Variants in KLHL24 observed in about 807,000 individuals in gnomAD.
The protein encoded by KLHL24 is kelch-like protein 24.
Under a neutral mutation model 53.4 loss-of-function variants are expected in KLHL24, and 29 were observed. The ratio of observed to expected loss-of-function variants is 0.54; its 90% CI spans 0.40 to 0.74. The LOEUF is 0.74. Ranked by LOEUF, KLHL24 falls within the 30% of genes least tolerant of loss-of-function variation. The pLI, the probability that KLHL24 is intolerant of heterozygous loss-of-function variation, is 0.00. For missense variants in KLHL24, 504 were observed against 744.0 expected, an observed-to-expected ratio of 0.68 and a Z score of 3.75; for synonymous variants, 222 against 253.7, an observed-to-expected ratio of 0.88 and a Z score of 1.19.
In KLHL24 at chr3:183,641,627, G is replaced by A. The variant is rs557776730; in HGVS notation, c.-124-1853G>A. ...TTTCAAGGTTAAATTTGAGAAAATGGAGTAGCGTAGAACATAGTATGCAGC... is the reference window on the plus strand; with the variant it reads ...TTTCAAGGTTAAATTTGAGAAAATGAAGTAGCGTAGAACATAGTATGCAGC... On this transcript the variant is annotated intron_variant, in intron 1 of 7. Coordinates refer to ENST00000242810, the MANE Select transcript of KLHL24 (RefSeq NM_017644.3). Among the ~76,000 whole-genome samples the A allele has an allele frequency of 2.6e-4, 39 of 152,146 alleles. No homozygotes were observed. The Middle Eastern group carries it at 0.01, about 40-fold the overall frequency.
chr3:183,653,244 TG>T (rs1272640405), intron 3 of KLHL24, among the ~76,000 whole-genome samples: 2 of 152,146 alleles, frequency 1.3e-5, no homozygotes, highest in African/African-American at 4.8e-5. Context: ...TTATTTTATG[TG>T]GGCATTACAT....
chr3:183,656,575 C>T (rs1018809456), intron 3 of KLHL24, among the ~76,000 whole-genome samples: 4 of 152,252 alleles, frequency 2.6e-5, no homozygotes, highest in Non-Finnish European at 4.4e-5. Context: ...CTAATAAATA[C>T]TTGAGTTACC....
intron 1 of KLHL24, among the ~76,000 whole-genome samples, chr3:183,638,414 A>G (rs1004382696): frequency 2.7e-5 from 4 of 150,252 alleles, no homozygotes; most frequent in African/African-American, 5.0e-5. Context: ...AATAAATACT[A>G]TTAATCAAAT....
intron 1 of KLHL24, among the ~76,000 whole-genome samples, chr3:183,636,955 G>T (rs1411917619): frequency 6.6e-6 from 1 of 152,216 alleles, no homozygotes; most frequent in East Asian, 1.9e-4. Context: ...GCCCTCCGAG[G>T]ACCGGAAAAT....
Position 183,650,484 on chromosome 3 carries a change from C to T in KLHL24, c.128C>T (p.Ser43Phe), listed in dbSNP as rs1717976520. The T allele has an allele frequency of 1.2e-6, 2 of 1,613,986 alleles. No homozygotes were observed. Among genetic ancestry groups the T allele is most frequent in the Non-Finnish European group, 1.7e-6 (2 of 1,180,026 alleles). ...ACAGGTCATGAGTTTTTTGACTTCT[C>T]TTCAGGATCATCCCATGCCGAAAAC... ...SLTGHEFFDF[S>F]SGSSHAENIL... The change falls in exon 3 of 8, where the codon TCT (serine) becomes TTT (phenylalanine). Residue 43 changes from serine to phenylalanine, a missense_variant. Ser to Phe is a radical substitution (Grantham distance 155, BLOSUM62 -2). Coordinates refer to ENST00000242810, the MANE Select transcript of KLHL24 (RefSeq NM_017644.3). This position sits in a 1 kb window ranked among gnomAD's most constrained non-coding sequence, Gnocchi z 4.5.
At position 183,669,312 on chromosome 3, in the gene KLHL24, A is replaced by G. The variant is rs555337102; in HGVS notation, c.1225-1722A>G. On this transcript the variant is annotated intron_variant, in intron 5 of 7. Transcript: ENST00000242810. ...CATTGCAGTGAGCTGAGATCACGCCATTGCACTCCAGCCTGGGCAACAAGA... is the reference window on the plus strand; with the variant it reads ...CATTGCAGTGAGCTGAGATCACGCCGTTGCACTCCAGCCTGGGCAACAAGA... Among the ~76,000 whole-genome samples the G allele has an allele frequency of 4.6e-5, 7 of 152,196 alleles. No homozygotes were observed. In the South Asian group the frequency reaches 1.2e-3, roughly 27 times the overall value.
At chr3:183,672,554 C>T (rs1576975251) in intron 7 of KLHL24, 70 bp downstream of exon 7, 1 of 1,100,214 alleles carries the variant, frequency 9.1e-7, no homozygotes, top group East Asian at 2.8e-5. Context: ...ATTATTAATA[C>T]ACTGGAATTT....
chr3:183,653,591 G>A lies in KLHL24; in HGVS notation c.920+2315G>A, dbSNP rs955267387. On this transcript the variant is annotated intron_variant, in intron 3 of 7. Transcript: ENST00000242810. ...GGTTTTTGCAATTTAGGCATGTTTT[G>A]TGACTTTGCTGTGTTACAGAGAGAA... Among the ~76,000 whole-genome samples, 4 of 152,208 alleles carry A rather than the reference G, an allele frequency of 2.6e-5. No individual in the cohort carries two copies. In the East Asian group the frequency reaches 7.7e-4, roughly 29 times the overall value.
Position 183,663,004 on chromosome 3 carries a change from G to A in KLHL24, c.921-454G>A, listed in dbSNP as rs9823351. ...ACATATACATATTCCTTTAAAGGGT[G>A]CTTGGATTATACTATGAATTAGTTT... On this transcript the variant is annotated intron_variant, in intron 3 of 7. Coordinates refer to ENST00000242810, the MANE Select transcript of KLHL24 (RefSeq NM_017644.3). This position sits in a 1 kb window ranked among gnomAD's most constrained non-coding sequence, Gnocchi z 4.9. Among the ~76,000 whole-genome samples, 50,882 of 151,952 alleles carry A rather than the reference G, an allele frequency of 0.33. 9,369 individuals carry two copies. The highest frequency in any genetic ancestry group is 0.49 in the African/African-American group (20,241 of 41,432).
intron 3 of KLHL24, among the ~76,000 whole-genome samples, chr3:183,662,587 GC>G (rs1163044321): frequency 6.6e-6 from 1 of 152,122 alleles, no homozygotes. Context: ...TTGTGGATAA[GC>G]TTTTGGTTAT....
rs150631622 is a variant in KLHL24, at chr3:183,650,225, T to G, written c.-61-71T>G. 6.5e-4 allele frequency: 425 copies of G among 653,976 alleles called. 2 individuals carry two copies. In the East Asian group the frequency reaches 0.01, roughly 16 times the overall value. 40.5% of individuals were successfully genotyped at this position (653,976 alleles called of 1,614,324 possible). ...TGTGATTTTGTTGTAGTGTTTATAT[T>G]AAAATGAAATTATGTGATTTGAATA... On this transcript the variant is annotated intron_variant, in intron 2 of 7. Transcript: ENST00000242810. The surrounding 1 kb of genome is among the most constrained non-coding windows in gnomAD (Gnocchi z 4.5).
intron 1 of KLHL24, chr3:183,636,202 G>A (rs1715132392): frequency 6.6e-6 from 1 of 152,308 alleles, no homozygotes; most frequent in Admixed American, 6.5e-5. Context: ...TGCGAACGGG[G>A]CGCTGCTTTT....
intron 2 of KLHL24, among the ~76,000 whole-genome samples, chr3:183,644,443 A>G (rs1439616294): frequency 5.3e-5 from 8 of 152,200 alleles, no homozygotes; most frequent in African/African-American, 1.9e-4. Context: ...AAGATGCCCA[A>G]AAGTCAGGAG....
chr3:183,646,976 A>ATT (rs34105624), intron 2 of KLHL24, among the ~76,000 whole-genome samples: 35,831 of 133,572 alleles, frequency 0.27, 4,875 homozygotes, highest in Middle Eastern at 0.35. Flanking sequence ...CGCCCAGCTA[A>ATT]TTTTTTTTTT....
At chr3:183,665,702 A>C (rs1442714254) in intron 5 of KLHL24, among the ~76,000 whole-genome samples, 1 of 152,100 alleles carries the variant, frequency 6.6e-6, no homozygotes, top group Admixed American at 6.6e-5. Context: ...GTGAGCCAAG[A>C]TCGCACCACT....
rs374770803 is a variant in KLHL24 at position 183,672,434 on chromosome 3, G to A, written c.1552G>A (p.Asp518Asn). ...ACTGACCAAGGCAATATACTGTTAC[G>A]ATCCAGTTGAAGATTACTGGATGCA... ...GGLTKAIYCYDPVEDYWMHVQ... is the reference protein window; with the variant it reads ...GGLTKAIYCYNPVEDYWMHVQ... The change falls in exon 7 of 8, where the codon GAT becomes AAT. Residue 518 changes from aspartate (D) to asparagine (N), a missense_variant. Asp to Asn is a conservative substitution (Grantham distance 23, BLOSUM62 1). Transcript: ENST00000242810. The A allele has an allele frequency of 1.7e-5, 27 of 1,612,982 alleles. No homozygotes were observed. The highest frequency in any genetic ancestry group is 1.3e-4 in the East Asian group (6 of 44,860).
Position 183,646,910 on chromosome 3 carries a change from C to T in KLHL24, c.-62+3368C>T, listed in dbSNP as rs55750915. On this transcript the variant is annotated intron_variant, in intron 2 of 7. Transcript: ENST00000242810. ...CTGCAAGCTCCACCTCCCAGGTTCA[C>T]GCCATTCTCCTGTCTCAGCCTCCCA... Among the ~76,000 whole-genome samples the T allele has an allele frequency of 4.6e-5, 7 of 151,542 alleles. 1 individual carries two copies. The South Asian group carries it at 6.3e-4, about 14-fold the overall frequency.
chr3:183,677,105 G>A (rs1219197926), intron 7 of KLHL24, among the ~76,000 whole-genome samples: 1 of 151,676 alleles, frequency 6.6e-6, no homozygotes. Context: ...CTATTATATC[G>A]GATAGAGGTA....
chr3:183,676,295 C>T (rs1357345767), intron 7 of KLHL24, among the ~76,000 whole-genome samples: 1 of 152,172 alleles, frequency 6.6e-6, no homozygotes, highest in African/African-American at 2.4e-5. Flanking sequence ...AGGGTTTTGC[C>T]ATGTTGGTCA....
Sources: gnomAD v4.1 joint callset for allele counts (sites outside exome capture counted in the v4.1 genomes callset) on GRCh38, gnomAD v4.1.1 for gene constraint, Gnocchi (gnomAD v3.1) non-coding constraint, MANE v1.5 for transcripts, NCBI Gene and HGNC (gene_info 2026-07-23, HGNC 2026-07-21) for gene names.